The following PDZRN4 variants were observed in gnomAD, a reference collection of about 807,000 sequenced individuals.
PDZRN4 encodes the protein PDZ domain containing ring finger 4, also known as PDZ domain-containing RING finger protein 4.
A neutral mutation model predicts 99.0 loss-of-function variants in PDZRN4; 70 were observed. The ratio of observed to expected loss-of-function variants is 0.71; its 90% confidence interval spans 0.58 to 0.86. PDZRN4 has a LOEUF of 0.86. Among genes scored for constraint, PDZRN4 ranks in the 40% least tolerant of loss-of-function variants. PDZRN4 has a pLI of 0.00. For synonymous variants in PDZRN4, 551 were observed against 501.6 expected (o/e 1.10, Z -1.32); for missense variants, 1,474 against 1,331.2 (o/e 1.11, Z -1.67).
intron 3 of PDZRN4, among the ~76,000 whole-genome samples, chr12:41,302,358 T>C (rs960929062): frequency 1.3e-5 from 2 of 152,166 alleles, no homozygotes; most frequent in African/African-American, 4.8e-5. Context: ...ATAATATTGA[T>C]ATTGTAGCTT....
At chr12:41,376,859 A>C (rs913983033) in intron 3 of PDZRN4, among the ~76,000 whole-genome samples, 1 of 152,012 alleles carries the variant, frequency 6.6e-6, no homozygotes, top group Admixed American at 6.6e-5. Context: ...TTGTGGTTTT[A>C]TGATTTATAT....
chr12:41,404,862 A>AC (rs397950540), intron 3 of PDZRN4, among the ~76,000 whole-genome samples: 1 of 151,886 alleles, frequency 6.6e-6, no homozygotes, highest in Non-Finnish European at 1.5e-5. Context: ...GACCAAAAAA[A>AC]CAAGCAATGG....
intron 3 of PDZRN4, among the ~76,000 whole-genome samples, chr12:41,490,403 A>G (rs1937860828): frequency 6.6e-6 from 1 of 152,166 alleles, no homozygotes; most frequent in African/African-American, 2.4e-5. Context: ...AAAATTTGCA[A>G]GCATGCTTTC....
chr12:41,404,865 A>G (rs1013637860), intron 3 of PDZRN4, among the ~76,000 whole-genome samples: 2 of 152,128 alleles, frequency 1.3e-5, no homozygotes, highest in Non-Finnish European at 2.9e-5. Context: ...CAAAAAAACA[A>G]GCAATGGGGA....
intron 3 of PDZRN4, among the ~76,000 whole-genome samples, chr12:41,402,219 C>T (rs12300599): frequency 0.15 from 129 of 886 alleles, 13 homozygotes; most frequent in African/African-American, 0.35. Context: ...CATATATATA[C>T]ACACACACTG....
At chr12:41,483,855 A>T (rs1323303535) in intron 3 of PDZRN4, among the ~76,000 whole-genome samples, 1 of 152,176 alleles carries the variant, frequency 6.6e-6, no homozygotes, top group Non-Finnish European at 1.5e-5. Flanking sequence ...CTCAATGCAT[A>T]GTCCAGTAGT....
chr12:41,380,326 A>G (rs1171707524), intron 3 of PDZRN4, among the ~76,000 whole-genome samples: 1 of 151,970 alleles, frequency 6.6e-6, no homozygotes, highest in Admixed American at 6.6e-5. Flanking sequence ...TGAGAATTTA[A>G]TTCATTTACA....
At position 41,459,257 on chromosome 12, in the gene PDZRN4, A is replaced by G. The variant is rs77415791; in HGVS notation, c.844-47199A>G. Among the ~76,000 whole-genome samples, 169 of 152,304 alleles carry G rather than the reference A, an allele frequency of 1.1e-3. No individual in the cohort carries two copies. The East Asian group carries it at 0.019, about 17-fold the overall frequency. ...TGTTAATCTGACCTTTTATACCAACATTTCAAAACAATTTAAGGAAGTGCT... is the reference window on the plus strand; with the variant it reads ...TGTTAATCTGACCTTTTATACCAACGTTTCAAAACAATTTAAGGAAGTGCT... On this transcript the variant is annotated intron_variant, in intron 3 of 9. Transcript: ENST00000402685.
intron 3 of PDZRN4, among the ~76,000 whole-genome samples, chr12:41,485,551 TTCTC>T (rs1328435446): frequency 1.3e-5 from 2 of 152,106 alleles, no homozygotes; most frequent in Non-Finnish European, 2.9e-5. Flanking sequence ...TTTTCTTTCT[TTCTC>T]TCCCTCTCTC....
intron 3 of PDZRN4, among the ~76,000 whole-genome samples, chr12:41,455,647 T>C (rs1411416472): frequency 6.6e-6 from 1 of 152,226 alleles, no homozygotes; most frequent in Admixed American, 6.5e-5. Context: ...TTCTGTACCA[T>C]AAATCTTGTA....
At chr12:41,526,400 T>G (rs1938567987) in intron 5 of PDZRN4, among the ~76,000 whole-genome samples, 1 of 152,236 alleles carries the variant, frequency 6.6e-6, no homozygotes, top group African/African-American at 2.4e-5. Flanking sequence ...GGTTCTCATT[T>G]GATCTTGCCT....
intron 3 of PDZRN4, among the ~76,000 whole-genome samples, chr12:41,494,191 G>A (rs1052916405): frequency 3.3e-5 from 5 of 151,972 alleles, no homozygotes; most frequent in African/African-American, 1.2e-4. Context: ...TTACTAAAAG[G>A]AAATAGGAGA....
intron 3 of PDZRN4, among the ~76,000 whole-genome samples, chr12:41,425,390 G>A (rs1465329215): frequency 6.6e-6 from 1 of 151,532 alleles, no homozygotes; most frequent in Non-Finnish European, 1.5e-5. Context: ...CCTACACACT[G>A]GGGCAGAGAA....
At chr12:41,449,159 A>G (rs897515420) in intron 3 of PDZRN4, among the ~76,000 whole-genome samples, 2 of 152,168 alleles carry the variant, frequency 1.3e-5, no homozygotes, top group South Asian at 2.1e-4. Flanking sequence ...CTTCATCTGA[A>G]TAAGTTATAA....
At chr12:41,505,003 G>C (rs1237981189) in intron 3 of PDZRN4, among the ~76,000 whole-genome samples, 1 of 152,052 alleles carries the variant, frequency 6.6e-6, no homozygotes, top group Non-Finnish European at 1.5e-5. Context: ...GCTCCTCCAG[G>C]TCATTAAGCC....
intron 3 of PDZRN4, among the ~76,000 whole-genome samples, chr12:41,337,884 T>C (rs146498782): frequency 2.0e-4 from 30 of 152,240 alleles, no homozygotes; most frequent in African/African-American, 6.3e-4. Flanking sequence ...GATGACCTCA[T>C]AGAGGCCACA....
chr12:41,354,787 G>T (rs1170399844), intron 3 of PDZRN4, among the ~76,000 whole-genome samples: 1 of 151,964 alleles, frequency 6.6e-6, no homozygotes, highest in Non-Finnish European at 1.5e-5. Context: ...GATATTAAAG[G>T]TTGGTATGGC....
intron 3 of PDZRN4, among the ~76,000 whole-genome samples, chr12:41,236,583 C>G (rs1203990407): frequency 6.6e-6 from 1 of 151,912 alleles, no homozygotes; most frequent in Non-Finnish European, 1.5e-5. Flanking sequence ...AGTTAGGAGG[C>G]CTTTTCAATA....
intron 3 of PDZRN4, among the ~76,000 whole-genome samples, chr12:41,369,830 T>G (rs1429803710): frequency 6.6e-6 from 1 of 151,964 alleles, no homozygotes; most frequent in Non-Finnish European, 1.5e-5. Context: ...TTTGCCCTGT[T>G]CTAGCTTCCA....
Sources: allele counts gnomAD v4.1 joint callset (sites outside exome capture counted in the v4.1 genomes callset), GRCh38; gene constraint gnomAD v4.1.1; transcripts MANE v1.5; gene names NCBI Gene and HGNC (gene_info 2026-07-23, HGNC 2026-07-21).